The following EXOC8 variants were observed in gnomAD, a reference collection of about 807,000 sequenced individuals.
EXOC8 encodes exocyst complex 84 kDa subunit.
EXOC8 carries 19 observed loss-of-function variants against 50.8 expected under a neutral mutation model. That is an observed-to-expected ratio of 0.37 (90% CI 0.26 to 0.55). The LOEUF (loss-of-function observed/expected upper bound fraction) is 0.55. Ranked by LOEUF, EXOC8 falls within the 20% of genes least tolerant of loss-of-function variation. The pLI is 0.80. For synonymous variants in EXOC8, 384 were observed against 367.9 expected, an observed-to-expected ratio of 1.04 and a Z score of -0.50; for missense variants, 781 against 915.8, an observed-to-expected ratio of 0.85 and a Z score of 1.90.
Position 231,336,794 on chromosome 1 carries a change from C to CT in EXOC8, c.951dup (p.Glu318ArgfsTer7). Reference sequence around the variant, plus strand: ...TCTACCTCAGGAACAGCTGGTTCTTCTTCTTCGTCATCCTCAAATGGGTTA... The same window carrying CT: ...TCTACCTCAGGAACAGCTGGTTCTTCTTTCTTCGTCATCCTCAAATGGGTTA... On this transcript the variant is annotated frameshift_variant, in exon 1 of 1. Coordinates refer to ENST00000366645, the MANE Select transcript of EXOC8 (RefSeq NM_175876.5). LOFTEE classifies it high-confidence loss of function. This position sits in a 1 kb window ranked among gnomAD's most constrained non-coding sequence, Gnocchi z 5.4. 1 of 1,614,214 alleles carries CT rather than the reference C, an allele frequency of 6.2e-7. No homozygotes were observed. Among genetic ancestry groups the CT allele is most frequent in the Non-Finnish European group, 8.5e-7 (1 of 1,180,052 alleles).
Position 231,336,354 on chromosome 1 carries a change from A to G in EXOC8, c.1392T>C (p.Phe464=). 1 of 1,614,110 alleles carries G rather than the reference A, an allele frequency of 6.2e-7. No homozygotes were observed. The highest frequency in any genetic ancestry group is 2.2e-5 in the East Asian group (1 of 44,888). Residue 464 remains phenylalanine, a synonymous_variant, in exon 1 of 1, where the codon TTT becomes TTC. Coordinates refer to ENST00000366645, the MANE Select transcript of EXOC8 (RefSeq NM_175876.5). The surrounding 1 kb of genome is among the most constrained non-coding windows in gnomAD (Gnocchi z 5.4). ...CTCTTGCAGTCTCGAGAAGGCTGGT[A>G]AAGAAGACATGGCACAGCTTATGAA... ...LYIHKLCHVF[F]TSLLETAREF... is the part of the protein sequence containing the mutation.
Position 231,334,319 on chromosome 1 carries a change from G to T in EXOC8, c.*1249C>A, listed in dbSNP as rs889213078. ...AGAGTGGTCATAGTGAGAACACTGA[G>T]ATTTGCATATGTTTTTCTACTTTCC... On this transcript the variant is annotated 3_prime_UTR_variant, in exon 1 of 1. Transcript: ENST00000366645. 3.9e-5 allele frequency: 6 copies of T among 152,206 alleles called. No individual in the cohort carries two copies. Among genetic ancestry groups the T allele is most frequent in the African/African-American group, 1.4e-4 (6 of 41,458 alleles). The allele number at this position is 152,206 out of a possible 1,614,324, so 9.4% of individuals were successfully genotyped here. A position where few individuals can be genotyped will look rare whatever the true frequency, so the allele number is the denominator to read the frequency against.
In EXOC8 at chr1:231,334,234, GCA is replaced by G. The variant is rs749243899; in HGVS notation, c.*1332_*1333del. On this transcript the variant is annotated 3_prime_UTR_variant, in exon 1 of 1. Coordinates refer to ENST00000366645, the MANE Select transcript of EXOC8 (RefSeq NM_175876.5). Reference sequence around the variant, plus strand: ...GGTTCTCTTCTTCCCTTTGTTTTGGGCACATTGTCTCACCTGTTTTCACTTTG... The same window carrying G: ...GGTTCTCTTCTTCCCTTTGTTTTGGGCATTGTCTCACCTGTTTTCACTTTG... 6.6e-6 allele frequency: 1 copy of G among 152,170 alleles called. No individual in the cohort carries two copies. Among genetic ancestry groups the G allele is most frequent in the Non-Finnish European group, 1.5e-5 (1 of 68,030 alleles). 9.4% of individuals were successfully genotyped at this position (152,170 alleles called of 1,614,324 possible).
chr1:231,336,573 A>T lies in EXOC8; in HGVS notation c.1173T>A (p.Thr391=), dbSNP rs1686679430. The change falls in exon 1 of 1, where the codon ACT becomes ACA. Residue 391 remains threonine (T), a synonymous_variant. Coordinates refer to ENST00000366645, the MANE Select transcript of EXOC8 (RefSeq NM_175876.5). This position sits in a 1 kb window ranked among gnomAD's most constrained non-coding sequence, Gnocchi z 5.4. ...GGGAGAGTTCGAAAACTAGCACCTC[A>T]GTGAGCTGTCGAACTCGCTCCTCCA... ...AKVEERVRQL[T]EVLVFELSPD... 9 of 1,614,004 alleles carry T rather than the reference A, an allele frequency of 5.6e-6. No homozygotes were observed. The South Asian group carries it at 9.9e-5, about 18-fold the overall frequency.
rs766285114 is a variant in EXOC8, at chr1:231,337,470, G to T, written c.276C>A (p.Thr92=). ...TGCTCTCCAGGCTGCTTTTCTGCTCGGTCAGCAAATGGCTGAGCTGGTACA... is the reference window on the plus strand; with the variant it reads ...TGCTCTCCAGGCTGCTTTTCTGCTCTGTCAGCAAATGGCTGAGCTGGTACA... The part of the protein sequence containing the change: ...SEMYQLSHLL[T]EQKSSLESIP... Residue 92 remains threonine (T), a synonymous_variant, in exon 1 of 1, where the codon ACC becomes ACA. Coordinates refer to ENST00000366645, the MANE Select transcript of EXOC8 (RefSeq NM_175876.5). The surrounding 1 kb of genome is among the most constrained non-coding windows in gnomAD (Gnocchi z 5.9). 6.2e-7 allele frequency: 1 copy of T among 1,613,076 alleles called. No individual in the cohort carries two copies. The highest frequency in any genetic ancestry group is 1.1e-5 in the South Asian group (1 of 91,072).
rs1686621970 is a variant in EXOC8, at chr1:231,334,402, T to C, written c.*1166A>G. ...TTTCAGTTAAAACTTTTTTTCCATT[T>C]GCATGAAGTCTGGGTCACTATATCT... On this transcript the variant is annotated 3_prime_UTR_variant, in exon 1 of 1. Transcript: ENST00000366645. 6.6e-6 allele frequency: 1 copy of C among 152,254 alleles called. No homozygotes were observed. Among genetic ancestry groups the C allele is most frequent in the Admixed American group, 6.5e-5 (1 of 15,282 alleles). 9.4% of individuals were successfully genotyped at this position (152,254 alleles called of 1,614,324 possible).
In EXOC8 at chr1:231,336,309, T is replaced by A. The variant is rs1686672421; in HGVS notation, c.1437A>T (p.Ala479=). The change falls in exon 1 of 1, where the codon GCA becomes GCT. Residue 479 remains alanine (A), a synonymous_variant. Coordinates refer to ENST00000366645, the MANE Select transcript of EXOC8 (RefSeq NM_175876.5). The surrounding 1 kb of genome is among the most constrained non-coding windows in gnomAD (Gnocchi z 5.4). ...CAGAGTAGCAGCCGCTGTCAGTGCCTGCAAAATCGATCTCAAATTCTCTTG... is the reference window on the plus strand; with the variant it reads ...CAGAGTAGCAGCCGCTGTCAGTGCCAGCAAAATCGATCTCAAATTCTCTTG... ...ETAREFEIDF[A]GTDSGCYSAF... is the part of the protein sequence containing the mutation. The A allele has an allele frequency of 6.2e-7, 1 of 1,613,916 alleles. No homozygotes were observed. Among genetic ancestry groups the A allele is most frequent in the Non-Finnish European group, 8.5e-7 (1 of 1,179,986 alleles).
rs1401202042 is a variant in EXOC8, at chr1:231,337,434, C to T, written c.312G>A (p.Thr104=). ...CGGCGGCAGCAGCGGCAGGCAGCAA[C>T]GTAAGCGGGATGCTCTCCAGGCTGC... ...QKSSLESIPL[T]LLPAAAAAGA... is the part of the protein sequence containing the mutation. The change falls in exon 1 of 1, where the codon ACG becomes ACA. Residue 104 remains threonine, a synonymous_variant. Transcript: ENST00000366645. This position sits in a 1 kb window ranked among gnomAD's most constrained non-coding sequence, Gnocchi z 5.9. The T allele has an allele frequency of 6.2e-7, 1 of 1,609,632 alleles. No homozygotes were observed. Among genetic ancestry groups the T allele is most frequent in the Admixed American group, 1.7e-5 (1 of 60,014 alleles).
chr1:231,334,497 A>C lies in EXOC8; in HGVS notation c.*1071T>G, dbSNP rs1176446396. ...AAGCGGTGGCAGCTAAAACCTGGCA[A>C]CTGCTGCCAGTGTCCCCAATGTGTC... On this transcript the variant is annotated 3_prime_UTR_variant, in exon 1 of 1. Transcript: ENST00000366645. 2 of 152,216 alleles carry C rather than the reference A, an allele frequency of 1.3e-5. No individual in the cohort carries two copies. Among genetic ancestry groups the C allele is most frequent in the Non-Finnish European group, 2.9e-5 (2 of 68,036 alleles). 9.4% of individuals were successfully genotyped at this position (152,216 alleles called of 1,614,324 possible).
rs73116365 is a variant in EXOC8, at chr1:231,337,170, G to A, written c.576C>T (p.Tyr192=). The A allele has an allele frequency of 2.3e-3, 3,746 of 1,614,090 alleles. 75 individuals are homozygous for A. In the African/African-American group the frequency reaches 0.044, roughly 19 times the overall value. Residue 192 remains tyrosine, a synonymous_variant, in exon 1 of 1, where the codon TAC becomes TAT. Coordinates refer to ENST00000366645, the MANE Select transcript of EXOC8 (RefSeq NM_175876.5). This position sits in a 1 kb window ranked among gnomAD's most constrained non-coding sequence, Gnocchi z 5.9. The stretch of plus-strand genomic sequence containing the variant: ...GCAGTTGGGCCATGTGGTCCGCATC[G>A]TATTCCACTAGGTCCCCATTGTACA... ...YLVYNGDLVE[Y]DADHMAQLQR... is the part of the protein sequence containing the mutation.
chr1:231,336,844 G>A lies in EXOC8; in HGVS notation c.902C>T (p.Pro301Leu). Residue 301 changes from proline to leucine, a missense_variant, in exon 1 of 1, where the codon CCA (proline) becomes CTA (leucine). Pro to Leu is a moderately conservative substitution (Grantham distance 98). Transcript: ENST00000366645. The surrounding 1 kb of genome is among the most constrained non-coding windows in gnomAD (Gnocchi z 5.4). ...AGTGGCCTTGGAAGTCACTTGGGGT[G>A]GCCCTCGAGGGGCCGCTGCCTCCTC... is the stretch of plus-strand genomic sequence containing the variant. ...EQEEAAAPRG[P>L]PQVTSKATNP... 1 of 1,614,124 alleles carries A rather than the reference G, an allele frequency of 6.2e-7. No individual in the cohort carries two copies. The highest frequency in any genetic ancestry group is 8.5e-7 in the Non-Finnish European group (1 of 1,180,044).
rs1160597048 is a variant in EXOC8 at position 231,335,940 on chromosome 1, C to G, written c.1806G>C (p.Glu602Asp). Residue 602 changes from glutamate to aspartate, a missense_variant, in exon 1 of 1, where the codon GAG (glutamate) becomes GAC (aspartate). Around this residue, in one of 3 missense-constraint regions of EXOC8, gnomAD observed 700 missense variants for 804.1 expected, o/e 0.87. Coordinates refer to ENST00000366645, the MANE Select transcript of EXOC8 (RefSeq NM_175876.5). ...EMKSCGVSNF[E>D]QYTGDDCWVN... ...CCCAGCAGTCATCCCCTGTGTACTG[C>G]TCAAAGTTACTTACCCCACAACTTT... 1 of 1,614,200 alleles carries G rather than the reference C, an allele frequency of 6.2e-7. No individual in the cohort carries two copies. The highest frequency in any genetic ancestry group is 8.5e-7 in the Non-Finnish European group (1 of 1,180,034).
Position 231,337,671 on chromosome 1 carries a change from C to T in EXOC8, c.75G>A (p.Arg25=). 1 of 1,609,654 alleles carries T rather than the reference C, an allele frequency of 6.2e-7. No homozygotes were observed. ...GCTGCGAGAGCTGCTTCACGTACAG[C>T]CGCGCCTCAAAACCCCCTGACTCCA... The part of the protein sequence containing the change: ...RQLESGGFEA[R]LYVKQLSQQS... Residue 25 remains arginine, a synonymous_variant, in exon 1 of 1, where the codon CGG becomes CGA. Coordinates refer to ENST00000366645, the MANE Select transcript of EXOC8 (RefSeq NM_175876.5). This position sits in a 1 kb window ranked among gnomAD's most constrained non-coding sequence, Gnocchi z 5.9.
At position 231,335,815 on chromosome 1, in the gene EXOC8, A is replaced by G; in HGVS notation, c.1931T>C (p.Leu644Ser). The G allele has an allele frequency of 1.2e-6, 2 of 1,614,084 alleles. No individual in the cohort carries two copies. Among genetic ancestry groups the G allele is most frequent in the East Asian group, 2.2e-5 (1 of 44,894 alleles). Reference protein sequence around the residue: ...LYFPELHMVLLESLVEIILVA... With the variant: ...LYFPELHMVLSESLVEIILVA... ...CAAAATGATTTCCACCAGGCTCTCC[A>G]AAAGTACCATGTGCAGCTCTGGGAA... The change falls in exon 1 of 1, where the codon TTG becomes TCG. Residue 644 changes from leucine to serine, a missense_variant. Transcript: ENST00000366645.
rs777719915 is a variant in EXOC8 at position 231,336,407 on chromosome 1, G to A, written c.1339C>T (p.Arg447Cys). ...TAGAGTAAAGTGGCACCTTCGATGCGAAGCTGACGAATTGCAGTATGAACA... is the reference window on the plus strand; with the variant it reads ...TAGAGTAAAGTGGCACCTTCGATGCAAAGCTGACGAATTGCAGTATGAACA... ...AAVHTAIRQLRIEGATLLYIH... is the reference protein window; with the variant it reads ...AAVHTAIRQLCIEGATLLYIH... Residue 447 changes from arginine to cysteine, a missense_variant, in exon 1 of 1, where the codon CGC becomes TGC. By Grantham distance (180) the Arg-to-Cys change is radical. Transcript: ENST00000366645. This position sits in a 1 kb window ranked among gnomAD's most constrained non-coding sequence, Gnocchi z 5.4. The A allele has an allele frequency of 6.2e-7, 1 of 1,614,058 alleles. No homozygotes were observed. Among genetic ancestry groups the A allele is most frequent in the Non-Finnish European group, 8.5e-7 (1 of 1,180,038 alleles).
chr1:231,336,057 AATG>A lies in EXOC8; in HGVS notation c.1686_1688del (p.Ile563del). Reference sequence around the variant, plus strand: ...CAGAGTTGCGATGTTTAGTGGCTTCAATGATGATTTCTTTGTAACTGTGCAAGG... The same window carrying A: ...CAGAGTTGCGATGTTTAGTGGCTTCAATGATTTCTTTGTAACTGTGCAAGG... On this transcript the variant is annotated inframe_deletion, in exon 1 of 1. Coordinates refer to ENST00000366645, the MANE Select transcript of EXOC8 (RefSeq NM_175876.5). The surrounding 1 kb of genome is among the most constrained non-coding windows in gnomAD (Gnocchi z 5.4). The A allele has an allele frequency of 1.2e-6, 2 of 1,614,164 alleles. No homozygotes were observed. Among genetic ancestry groups the A allele is most frequent in the Non-Finnish European group, 1.7e-6 (2 of 1,180,030 alleles).
In EXOC8 at chr1:231,334,816, C is replaced by T. The variant is rs1571982624; in HGVS notation, c.*752G>A. 6.6e-6 allele frequency: 1 copy of T among 152,150 alleles called. No homozygotes were observed. The highest frequency in any genetic ancestry group is 1.5e-5 in the Non-Finnish European group (1 of 68,030). 9.4% of individuals were successfully genotyped at this position (152,150 alleles called of 1,614,324 possible). ...CAAGAAAGAATTCTTTTGACTAAAA[C>T]TTACCTTAAAACCAATTTTCCCAAC... On this transcript the variant is annotated 3_prime_UTR_variant, in exon 1 of 1. Coordinates refer to ENST00000366645, the MANE Select transcript of EXOC8 (RefSeq NM_175876.5).
Position 231,336,057 on chromosome 1 carries a change from A to G in EXOC8, c.1689T>C (p.Ile563=), listed in dbSNP as rs748165075. Residue 563 remains isoleucine, a synonymous_variant, in exon 1 of 1, where the codon ATT becomes ATC. Transcript: ENST00000366645. The surrounding 1 kb of genome is among the most constrained non-coding windows in gnomAD (Gnocchi z 5.4). ...GALHSYKEII[I]EATKHRNSEE... ...CAGAGTTGCGATGTTTAGTGGCTTCAATGATGATTTCTTTGTAACTGTGCA... is the reference window on the plus strand; with the variant it reads ...CAGAGTTGCGATGTTTAGTGGCTTCGATGATGATTTCTTTGTAACTGTGCA... 6.2e-7 allele frequency: 1 copy of G among 1,614,046 alleles called. No homozygotes were observed. Among genetic ancestry groups the G allele is most frequent in the East Asian group, 2.2e-5 (1 of 44,894 alleles).
At position 231,334,610 on chromosome 1, in the gene EXOC8, T is replaced by C. The variant is rs1301442180; in HGVS notation, c.*958A>G. 2.0e-5 allele frequency: 3 copies of C among 152,348 alleles called. No individual in the cohort carries two copies. Among genetic ancestry groups the C allele is most frequent in the Middle Eastern group, 3.4e-3 (1 of 294 alleles). The allele number at this position is 152,348 out of a possible 1,614,324, so 9.4% of individuals were successfully genotyped here. On this transcript the variant is annotated 3_prime_UTR_variant, in exon 1 of 1. Transcript: ENST00000366645. The stretch of plus-strand genomic sequence containing the variant: ...AGAAATATGTTGAAAACTTTTATTA[T>C]AGTCCTTAGGATTTCCAAGTAAATG...
Sources: allele counts gnomAD v4.1 joint callset, GRCh38; gene constraint gnomAD v4.1.1; regional missense constraint gnomAD v4.1.1; non-coding constraint Gnocchi (gnomAD v3.1); transcripts MANE v1.5; gene names NCBI Gene and HGNC (gene_info 2026-07-23, HGNC 2026-07-21).